NAV2: variants seen among roughly 807,000 people sequenced by gnomAD.
NAV2 encodes the protein neuron navigator 2.
In NAV2, 54 loss-of-function variants were observed where a neutral mutation model predicts 223.2. The ratio of observed to expected loss-of-function variants is 0.24; its 90% CI spans 0.19 to 0.30. NAV2 has a LOEUF of 0.30. Ranked by LOEUF, NAV2 falls within the 10% of genes least tolerant of loss-of-function variation. NAV2 has a pLI of 1.00. For synonymous variants in NAV2, 1,279 were observed against 1,239.3 expected, an observed-to-expected ratio of 1.03 and a Z score of -0.67; for missense variants, 2,806 against 3,147.5, an observed-to-expected ratio of 0.89 and a Z score of 2.60.
chr11:20,117,345 A>C (rs528546099), intron 37 of NAV2, among the ~76,000 whole-genome samples: 1 of 152,266 alleles, frequency 6.6e-6, no homozygotes, highest in East Asian at 1.9e-4. Context: ...AGCGCTTACT[A>C]TATGCCAGGC....
At chr11:19,691,546 A>G (rs79121324) in intron 1 of NAV2, among the ~76,000 whole-genome samples, 2,380 of 152,186 alleles carry the variant, frequency 0.016, 57 homozygotes, top group African/African-American at 0.055. Context: ...TGACCACACC[A>G]TCTTTTTTAT....
intron 1 of NAV2, among the ~76,000 whole-genome samples, chr11:19,641,349 T>C (rs1037023613): frequency 6.6e-6 from 1 of 152,112 alleles, no homozygotes. Context: ...AACCTATCCA[T>C]ATCCCTCCCC....
chr11:19,651,857 T>C (rs778733121), intron 1 of NAV2, among the ~76,000 whole-genome samples: 27 of 152,212 alleles, frequency 1.8e-4, no homozygotes, highest in African/African-American at 5.1e-4. Flanking sequence ...ACAGGGCAGA[T>C]GGCAGCCTTG....
At chr11:20,049,644 G>C (rs977879029) in intron 15 of NAV2, among the ~76,000 whole-genome samples, 192 bp from the exon 16 acceptor site, 1 of 151,984 alleles carries the variant, frequency 6.6e-6, no homozygotes, top group South Asian at 2.1e-4. Context: ...TGGACTGATA[G>C]GAAATCAAGA....
chr11:19,894,206 G>A (rs1057220689), intron 6 of NAV2, among the ~76,000 whole-genome samples: 4 of 152,212 alleles, frequency 2.6e-5, no homozygotes, highest in Non-Finnish European at 2.9e-5. Flanking sequence ...ATCAGGGATA[G>A]TGAGAGATGG....
upstream of NAV2, chr11:19,712,153 C>G (rs1217981062): frequency 6.6e-6 from 1 of 152,196 alleles, no homozygotes; most frequent in Non-Finnish European, 1.5e-5. Flanking sequence ...AAGGTTTGGC[C>G]AGAGCCTGCC....
intron 6 of NAV2, among the ~76,000 whole-genome samples, chr11:19,932,290 T>TGCACA: frequency 6.6e-6 from 1 of 151,578 alleles, no homozygotes; most frequent in Non-Finnish European, 1.5e-5. Context: ...AAAGCTGTTT[T>TGCACA]TAAGTCCAAC....
intron 1 of NAV2, among the ~76,000 whole-genome samples, chr11:19,625,185 T>C (rs1247905461): frequency 6.6e-6 from 1 of 152,244 alleles, no homozygotes; most frequent in African/African-American, 2.4e-5. Flanking sequence ...GCTGTGATTT[T>C]GTATTCTTCA....
At chr11:19,495,127 G>A (rs1418070957) in intron 1 of NAV2, among the ~76,000 whole-genome samples, 1 of 152,214 alleles carries the variant, frequency 6.6e-6, no homozygotes, top group Admixed American at 6.5e-5. Flanking sequence ...AGCCCCTTAG[G>A]TCACAGCATG....
chr11:19,466,519 G>T (rs1171196599), intron 1 of NAV2, among the ~76,000 whole-genome samples: 1 of 152,246 alleles, frequency 6.6e-6, no homozygotes, highest in Non-Finnish European at 1.5e-5. Flanking sequence ...AATTGTCCCA[G>T]ACGATGAATT....
chr11:19,857,527 G>C (rs976005761), intron 3 of NAV2, among the ~76,000 whole-genome samples: 4 of 152,170 alleles, frequency 2.6e-5, no homozygotes, highest in Non-Finnish European at 4.4e-5. Flanking sequence ...GAGAGTAGAT[G>C]CTCAATCTGT....
chr11:19,544,563 C>A (rs1304973482), intron 1 of NAV2, among the ~76,000 whole-genome samples: 2 of 152,156 alleles, frequency 1.3e-5, no homozygotes, highest in Non-Finnish European at 2.9e-5. Context: ...CACATTCCAC[C>A]CTTGAACACC....
chr11:19,713,834 G>A lies in NAV2; in HGVS notation c.139G>A (p.Val47Met), dbSNP rs1259163705. The stretch of plus-strand genomic sequence containing the variant: ...CCTGAAGTTGGGAAGCAAGGTGGAG[G>A]TGAGCAAGACCACCTATCCTAGCCA... Reference protein sequence around the residue: ...CYLKLGSKVEVSKTTYPSQIP... With the variant: ...CYLKLGSKVEMSKTTYPSQIP... Residue 47 changes from valine to methionine, a missense_variant, in exon 1 of 38, where the codon GTG (valine) becomes ATG (methionine). Transcript: ENST00000349880. The surrounding 1 kb of genome is among the most constrained non-coding windows in gnomAD (Gnocchi z 7.2). 1 of 1,613,488 alleles carries A rather than the reference G, an allele frequency of 6.2e-7. No individual in the cohort carries two copies. The highest frequency in any genetic ancestry group is 2.2e-5 in the East Asian group (1 of 44,856).
At chr11:19,364,492 A>G (rs1334424217) in intron 1 of NAV2, among the ~76,000 whole-genome samples, 2 of 152,204 alleles carry the variant, frequency 1.3e-5, no homozygotes, top group Non-Finnish European at 2.9e-5. Context: ...GAAAGCAGCC[A>G]GTGTCACCCC....
chr11:19,355,606 T>C (rs1445538380), intron 1 of NAV2, among the ~76,000 whole-genome samples: 1 of 152,156 alleles, frequency 6.6e-6, no homozygotes, highest in African/African-American at 2.4e-5. Flanking sequence ...CCTTCTTCAA[T>C]CAGTAGTGGA....
At chr11:19,890,083 C>T (rs902863162) in intron 5 of NAV2, among the ~76,000 whole-genome samples, 1 of 152,196 alleles carries the variant, frequency 6.6e-6, no homozygotes, top group Non-Finnish European at 1.5e-5. Context: ...CATACGGTGG[C>T]TGGACATTAA....
rs565417013 is a variant in NAV2 at position 19,704,561 on chromosome 11, A to G, written c.76-127923A>G. On this transcript the variant is annotated intron_variant, in intron 1 of 37. Coordinates refer to the NAV2 transcript ENST00000360655. ...TTGTAAAATAAAAATGGGAATAACT[A>G]TCTACCTCATGAAATTGTTGTGAGC... Among the ~76,000 whole-genome samples, 4 of 152,332 alleles carry G rather than the reference A, an allele frequency of 2.6e-5. No homozygotes were observed. In the South Asian group the frequency reaches 6.2e-4, roughly 24 times the overall value.
chr11:20,039,502 T>C (rs959921712), intron 12 of NAV2, among the ~76,000 whole-genome samples: 3 of 152,112 alleles, frequency 2.0e-5, no homozygotes, highest in Non-Finnish European at 4.4e-5. Flanking sequence ...TTCCTCTGCC[T>C]CCAGCCTCCA....
chr11:19,900,042 G>A (rs936296987), intron 6 of NAV2, among the ~76,000 whole-genome samples: 6 of 152,064 alleles, frequency 3.9e-5, no homozygotes, highest in Admixed American at 2.0e-4. Context: ...ATCTTTTTTT[G>A]GGAATCAGCT....
Sources: allele counts gnomAD v4.1 joint callset (sites outside exome capture counted in the v4.1 genomes callset), GRCh38; gene constraint gnomAD v4.1.1; non-coding constraint Gnocchi (gnomAD v3.1); transcripts MANE v1.5; gene names NCBI Gene and HGNC (gene_info 2026-07-23, HGNC 2026-07-21).